KCNJ6: variants seen among roughly 807,000 people sequenced by gnomAD.
The protein encoded by KCNJ6 is potassium inwardly rectifying channel subfamily J member 6.
Under a neutral mutation model 34.2 loss-of-function variants are expected in KCNJ6, and 9 were observed. That is an observed-to-expected ratio of 0.26 (90% CI 0.16 to 0.46). The LOEUF (loss-of-function observed/expected upper bound fraction) is 0.46, where lower values mean the gene tolerates loss of function less well. Among genes scored for constraint, KCNJ6 ranks in the 20% least tolerant of loss-of-function variants. KCNJ6 has a pLI of 1.00. For synonymous variants in KCNJ6, 196 were observed against 207.1 expected (o/e 0.95, Z 0.46); for missense variants, 236 against 531.3 (o/e 0.44, Z 5.46).
At chr21:37,716,857 T>C (rs1415522489) in intron 2 of KCNJ6, among the ~76,000 whole-genome samples, 4 of 152,260 alleles carry the variant, frequency 2.6e-5, no homozygotes, top group African/African-American at 9.6e-5. Context: ...TACTAAAGTC[T>C]TCTACAAGTT....
chr21:37,645,271 G>A (rs1241035980), intron 3 of KCNJ6, among the ~76,000 whole-genome samples: 1 of 152,046 alleles, frequency 6.6e-6, no homozygotes, highest in Non-Finnish European at 1.5e-5. Context: ...AGGCTGAATA[G>A]GGAGGATTGC....
chr21:37,707,735 G>GTGTGTGTGTATGTGTGCATGTGT (rs1267356647), intron 3 of KCNJ6, among the ~76,000 whole-genome samples: 42 of 149,796 alleles, frequency 2.8e-4, no homozygotes, highest in South Asian at 4.2e-4. Flanking sequence ...GTGTGTGTGT[G>GTGTGTGTGTATGTGTGCATGTGT]AATAATTTAC....
At chr21:37,665,112 G>A (rs1569441196) in intron 3 of KCNJ6, among the ~76,000 whole-genome samples, 1 of 152,062 alleles carries the variant, frequency 6.6e-6, no homozygotes, top group Non-Finnish European at 1.5e-5. Context: ...TTCCTTTTAA[G>A]CCTTGGTTTA....
intron 2 of KCNJ6, among the ~76,000 whole-genome samples, chr21:37,779,347 A>T (rs2055158126): frequency 6.6e-6 from 1 of 152,140 alleles, no homozygotes. Flanking sequence ...ATACTCTTCT[A>T]ACCTTCCCAG....
intron 1 of KCNJ6, among the ~76,000 whole-genome samples, chr21:37,887,867 A>C (rs2055743233): frequency 6.6e-6 from 1 of 152,238 alleles, no homozygotes. Flanking sequence ...TGTGGAAGGA[A>C]AGTCACGGGA....
chr21:37,686,259 G>A (rs1006366730), intron 3 of KCNJ6, among the ~76,000 whole-genome samples: 27 of 152,098 alleles, frequency 1.8e-4, no homozygotes, highest in African/African-American at 4.3e-4. Flanking sequence ...CTTGATACCC[G>A]GTTGAGGAGG....
At chr21:37,907,269 C>T (rs962519312) in intron 1 of KCNJ6, among the ~76,000 whole-genome samples, 2 of 152,196 alleles carry the variant, frequency 1.3e-5, no homozygotes, top group Non-Finnish European at 2.9e-5. Flanking sequence ...ATGATTACTG[C>T]ATTCCAGACC....
chr21:37,789,498 C>T (rs1194169224), intron 2 of KCNJ6, among the ~76,000 whole-genome samples: 6 of 152,130 alleles, frequency 3.9e-5, no homozygotes, highest in Non-Finnish European at 5.9e-5. Context: ...GGACTTCCAG[C>T]CCCTAGAATT....
At chr21:37,769,412 T>TTTTTTATTA (rs1423182963) in intron 2 of KCNJ6, among the ~76,000 whole-genome samples, 1 of 145,328 alleles carries the variant, frequency 6.9e-6, no homozygotes, top group African/African-American at 2.5e-5. Flanking sequence ...AGCCTTCAAT[T>TTTTTTATTA]TTATTATTAT....
At chr21:37,895,450 A>G (rs2055783088) in intron 1 of KCNJ6, among the ~76,000 whole-genome samples, 1 of 152,180 alleles carries the variant, frequency 6.6e-6, no homozygotes, top group Non-Finnish European at 1.5e-5. Context: ...CTGGCTGAAG[A>G]TGACATCCTT....
chr21:37,889,771 A>G (rs544951813), intron 1 of KCNJ6, among the ~76,000 whole-genome samples: 13 of 152,166 alleles, frequency 8.5e-5, no homozygotes, highest in Non-Finnish European at 1.3e-4. Flanking sequence ...CACCATCTTC[A>G]CATGGTCTTC....
chr21:37,832,318 C>T (rs2055429982), intron 2 of KCNJ6, among the ~76,000 whole-genome samples: 1 of 151,612 alleles, frequency 6.6e-6, no homozygotes, highest in Non-Finnish European at 1.5e-5. Flanking sequence ...CCTGGAGTAG[C>T]TTTTGTCCCG....
intron 3 of KCNJ6, among the ~76,000 whole-genome samples, chr21:37,713,479 T>C (rs2054773506): frequency 6.6e-6 from 1 of 152,204 alleles, no homozygotes; most frequent in South Asian, 2.1e-4. Flanking sequence ...TGTTGGGATG[T>C]GTAACGTGCA....
chr21:37,614,696 TG>T lies in KCNJ6; in HGVS notation c.*10462del, dbSNP rs2054258681. The T allele has an allele frequency of 7.2e-6, 1 of 138,272 alleles. No individual in the cohort carries two copies. The highest frequency in any genetic ancestry group is 2.6e-5 in the African/African-American group (1 of 38,100). 8.6% of individuals were successfully genotyped at this position (138,272 alleles called of 1,614,324 possible). On this transcript the variant is annotated 3_prime_UTR_variant, in exon 4 of 4. Transcript: ENST00000609713. The stretch of plus-strand genomic sequence containing the variant: ...TGTATGCGTGTGTGTATGCATGTCT[TG>T]GTGTGTGTATGCATGTGCATGTATG...
chr21:37,852,399 T>C (rs1338360815), intron 1 of KCNJ6, among the ~76,000 whole-genome samples: 1 of 152,200 alleles, frequency 6.6e-6, no homozygotes, highest in South Asian at 2.1e-4. Context: ...TCTTGCAAAG[T>C]GTTGGTGGAG....
At chr21:37,879,969 T>C (rs59555399) in intron 1 of KCNJ6, among the ~76,000 whole-genome samples, 43,619 of 151,838 alleles carry the variant, frequency 0.29, 7,816 homozygotes, top group African/African-American at 0.52. Flanking sequence ...TTCAAATGGA[T>C]GAAATGTTGG....
At chr21:37,745,334 C>T (rs1039569472) in intron 2 of KCNJ6, among the ~76,000 whole-genome samples, 5 of 152,114 alleles carry the variant, frequency 3.3e-5, no homozygotes, top group Non-Finnish European at 5.9e-5. Flanking sequence ...GTTGCCCAGG[C>T]TGGTCTCAGA....
At chr21:37,800,009 C>A (rs2123530956) in intron 2 of KCNJ6, among the ~76,000 whole-genome samples, 1 of 152,326 alleles carries the variant, frequency 6.6e-6, no homozygotes, top group South Asian at 2.1e-4. Context: ...GGACTCCTCA[C>A]CCCTAGGATA....
intron 2 of KCNJ6, among the ~76,000 whole-genome samples, chr21:37,785,042 A>C (rs1352301796): frequency 6.6e-6 from 1 of 152,140 alleles, no homozygotes; most frequent in Non-Finnish European, 1.5e-5. Flanking sequence ...GTAGAACTAG[A>C]GGAGCAGAGG....
Sources: allele counts gnomAD v4.1 joint callset (sites outside exome capture counted in the v4.1 genomes callset), GRCh38; gene constraint gnomAD v4.1.1; transcripts MANE v1.5; gene names NCBI Gene and HGNC (gene_info 2026-07-23, HGNC 2026-07-21).